The following EPHA3 variants were observed in gnomAD, a reference collection of about 807,000 sequenced individuals.
EPHA3 encodes EPH receptor A3.
EPHA3 carries 42 observed loss-of-function variants against 107.1 expected under a neutral mutation model. The observed-to-expected ratio is 0.39, with a 90% CI of 0.31 to 0.51. EPHA3 has a LOEUF of 0.51. EPHA3 is among the 20% of genes least tolerant of loss of function. The probability of loss-of-function intolerance (pLI) is 0.78; values close to 1 mark genes in which losing one functional copy is unlikely to be tolerated. For synonymous variants in EPHA3, 461 were observed against 424.8 expected, an observed-to-expected ratio of 1.09 and a Z score of -1.05; for missense variants, 1,183 against 1,211.2, an observed-to-expected ratio of 0.98 and a Z score of 0.35.
chr3:89,118,498 T>A (rs1383957536), intron 1 of EPHA3, among the ~76,000 whole-genome samples: 1 of 151,904 alleles, frequency 6.6e-6, no homozygotes, highest in Non-Finnish European at 1.5e-5. Context: ...CCAAAGGTGA[T>A]CCTTTGGAAA....
intron 3 of EPHA3, among the ~76,000 whole-genome samples, chr3:89,222,417 G>T (rs566055961): frequency 2.8e-5 from 4 of 145,118 alleles, no homozygotes; most frequent in East Asian, 2.0e-4. Flanking sequence ...ACACACACAT[G>T]CATGTAAATA....
chr3:89,249,361 A>G (rs1313453810), intron 3 of EPHA3, among the ~76,000 whole-genome samples: 1 of 152,062 alleles, frequency 6.6e-6, no homozygotes, highest in African/African-American at 2.4e-5. Context: ...GTGACATTTT[A>G]ATTTTTGCTA....
intron 2 of EPHA3, among the ~76,000 whole-genome samples, chr3:89,142,624 C>T (rs1576179889): frequency 2.0e-5 from 3 of 151,454 alleles, no homozygotes; most frequent in South Asian, 4.1e-4. Flanking sequence ...AGAGTACTTC[C>T]TCAGGAAATA....
At chr3:89,248,176 C>T (rs540867652) in intron 3 of EPHA3, among the ~76,000 whole-genome samples, 3 of 152,258 alleles carry the variant, frequency 2.0e-5, no homozygotes, top group Non-Finnish European at 4.4e-5. Flanking sequence ...TGCACTTTTT[C>T]ACCATGAAAT....
At chr3:89,113,416 A>T (rs1359293291) in intron 1 of EPHA3, among the ~76,000 whole-genome samples, 1 of 128,676 alleles carries the variant, frequency 7.8e-6, no homozygotes, top group Non-Finnish European at 1.6e-5. Flanking sequence ...GGAACCTGGC[A>T]GGAGGTTTTC....
chr3:89,342,626 A>C (rs1209417543), intron 5 of EPHA3, among the ~76,000 whole-genome samples: 1 of 152,118 alleles, frequency 6.6e-6, no homozygotes, highest in Non-Finnish European at 1.5e-5. Flanking sequence ...CAAACATATA[A>C]ATGGATTATA....
chr3:89,279,126 G>C (rs962546124), intron 3 of EPHA3, among the ~76,000 whole-genome samples: 4 of 152,084 alleles, frequency 2.6e-5, no homozygotes, highest in African/African-American at 7.2e-5. Flanking sequence ...CAAGTAAATA[G>C]CTAAGTCAAG....
At chr3:89,472,893 C>T (rs1710435957) in intron 16 of EPHA3, among the ~76,000 whole-genome samples, 1 of 152,134 alleles carries the variant, frequency 6.6e-6, no homozygotes. Context: ...AACAGATTCA[C>T]ACCCATAACC....
chr3:89,406,458 A>T (rs978956053), intron 7 of EPHA3, among the ~76,000 whole-genome samples: 3 of 152,148 alleles, frequency 2.0e-5, no homozygotes, highest in East Asian at 3.9e-4. Context: ...TGTGCACATC[A>T]TTCTCTATTG....
At chr3:89,395,214 A>G (rs1708823118) in intron 5 of EPHA3, among the ~76,000 whole-genome samples, 1 of 152,174 alleles carries the variant, frequency 6.6e-6, no homozygotes, top group Non-Finnish European at 1.5e-5. Context: ...CTCATTAAGT[A>G]TTTTTTTAAG....
At chr3:89,134,960 T>C (rs1704281304) in intron 2 of EPHA3, among the ~76,000 whole-genome samples, 1 of 152,206 alleles carries the variant, frequency 6.6e-6, no homozygotes, top group Admixed American at 6.5e-5. Context: ...ATTAAAATGA[T>C]GTATAACATA....
At chr3:89,430,640 T>C (rs1709547434) in intron 12 of EPHA3, among the ~76,000 whole-genome samples, 1 of 152,128 alleles carries the variant, frequency 6.6e-6, no homozygotes, top group South Asian at 2.1e-4. Flanking sequence ...AATTCAGAAG[T>C]GGGTAGAAAA....
At chr3:89,313,897 GTA>G (rs1706830297) in intron 3 of EPHA3, among the ~76,000 whole-genome samples, 1 of 151,780 alleles carries the variant, frequency 6.6e-6, no homozygotes, top group Admixed American at 6.6e-5. Flanking sequence ...ATCATGGCAG[GTA>G]TATATTTTTT....
At chr3:89,279,303 C>T (rs1233350464) in intron 3 of EPHA3, among the ~76,000 whole-genome samples, 1 of 151,968 alleles carries the variant, frequency 6.6e-6, no homozygotes. Flanking sequence ...AATTGACACA[C>T]TCTGTTTACC....
Position 89,399,420 on chromosome 3 carries a change from C to G in EPHA3, c.1534C>G (p.Arg512Gly), listed in dbSNP as rs1472226095. 1 of 1,614,000 alleles carries G rather than the reference C, an allele frequency of 6.2e-7. No homozygotes were observed. The highest frequency in any genetic ancestry group is 1.1e-5 in the South Asian group (1 of 91,084). Residue 512 changes from arginine (R) to glycine (G), a missense_variant, in exon 7 of 17, where the codon CGA (arginine) becomes GGA (glycine). Transcript: ENST00000336596. ...DTIYVFQIRA[R>G]TAAGYGTNSR... ...TATATACGTATTCCAAATCCGAGCC[C>G]GAACAGCCGCTGGATATGGGACGAA...
At chr3:89,402,887 A>G (rs926745273) in intron 7 of EPHA3, among the ~76,000 whole-genome samples, 13 of 152,110 alleles carry the variant, frequency 8.5e-5, no homozygotes, top group African/African-American at 3.1e-4. Flanking sequence ...CATGTTGGCC[A>G]GGCTGGTCTT....
At chr3:89,288,114 C>G (rs1706131642) in intron 3 of EPHA3, among the ~76,000 whole-genome samples, 1 of 151,796 alleles carries the variant, frequency 6.6e-6, no homozygotes, top group African/African-American at 2.4e-5. Context: ...TTGTAAGATT[C>G]TACAAAAGAA....
chr3:89,402,674 T>A (rs1473864803), intron 7 of EPHA3, among the ~76,000 whole-genome samples: 1 of 152,220 alleles, frequency 6.6e-6, no homozygotes, highest in Non-Finnish European at 1.5e-5. Context: ...CCTCTCGTTT[T>A]AATATTTTAT....
intron 13 of EPHA3, among the ~76,000 whole-genome samples, chr3:89,433,049 A>G (rs1709599843): frequency 6.6e-6 from 1 of 152,156 alleles, no homozygotes; most frequent in African/African-American, 2.4e-5. Flanking sequence ...CATGATATCT[A>G]TTTTGTGTCT....
Sources: gnomAD v4.1 joint callset for allele counts (sites outside exome capture counted in the v4.1 genomes callset) on GRCh38, gnomAD v4.1.1 for gene constraint, MANE v1.5 for transcripts, NCBI Gene and HGNC (gene_info 2026-07-23, HGNC 2026-07-21) for gene names.